SPOPL: variants seen among roughly 807,000 people sequenced by gnomAD.
The protein encoded by SPOPL is speckle-type POZ protein-like.
Under a neutral mutation model 53.8 loss-of-function variants are expected in SPOPL, and 23 were observed. That is an observed-to-expected ratio of 0.43 (90% CI 0.31 to 0.61). SPOPL has a LOEUF of 0.61. Ranked by LOEUF, SPOPL falls within the 20% of genes least tolerant of loss-of-function variation. The probability of loss-of-function intolerance (pLI) is 0.12; values close to 1 mark genes in which losing one functional copy is unlikely to be tolerated. For missense variants in SPOPL, 442 were observed against 466.9 expected, an observed-to-expected ratio of 0.95 and a Z score of 0.49; for synonymous variants, 164 against 149.7, an observed-to-expected ratio of 1.10 and a Z score of -0.70.
In SPOPL at chr2:138,564,798, G is replaced by C. The variant is rs1685624603; in HGVS notation, c.928G>C (p.Asp310His). Reference sequence around the variant, plus strand: ...TGTTGCAGATACCCTTGTCCTTGCAGATTTGCACAGTGCAGAACAGTTGAA... The same window carrying C: ...TGTTGCAGATACCCTTGTCCTTGCACATTTGCACAGTGCAGAACAGTTGAA... Reference protein sequence around the residue: ...ENVADTLVLADLHSAEQLKAQ... With the variant: ...ENVADTLVLAHLHSAEQLKAQ... Residue 310 changes from aspartate to histidine, a missense_variant, in exon 9 of 11, where the codon GAT becomes CAT. Physicochemically the swap from Asp to His is moderately conservative, Grantham distance 81. Coordinates refer to ENST00000280098, the MANE Select transcript of SPOPL (RefSeq NM_001001664.3). The C allele has an allele frequency of 6.2e-7, 1 of 1,614,166 alleles. No homozygotes were observed. The highest frequency in any genetic ancestry group is 1.3e-5 in the African/African-American group (1 of 75,050).
intron 1 of SPOPL, among the ~76,000 whole-genome samples, chr2:138,521,643 A>G (rs879255926): frequency 1.3e-5 from 2 of 152,166 alleles, no homozygotes; most frequent in Admixed American, 6.5e-5. Context: ...TTATAACAGC[A>G]TGTGTTAATA....
chr2:138,544,388 G>A (rs576470403), intron 1 of SPOPL, among the ~76,000 whole-genome samples: 102 of 152,262 alleles, frequency 6.7e-4, no homozygotes, highest in Admixed American at 1.3e-3. Flanking sequence ...CACCCAGTTC[G>A]AGCTTCCAGG....
intron 1 of SPOPL, among the ~76,000 whole-genome samples, chr2:138,505,221 A>C (rs1684188532): frequency 6.6e-6 from 1 of 152,158 alleles, no homozygotes; most frequent in South Asian, 2.1e-4. Context: ...GAAGAAAGTA[A>C]AGGAGATGTA....
chr2:138,514,105 G>A (rs184178739), intron 1 of SPOPL, among the ~76,000 whole-genome samples: 40 of 152,204 alleles, frequency 2.6e-4, no homozygotes, highest in African/African-American at 7.2e-4. Context: ...CCGAATATCT[G>A]AAACAGGTCT....
intron 1 of SPOPL, among the ~76,000 whole-genome samples, chr2:138,539,016 T>G (rs1012539007): frequency 2.0e-5 from 3 of 152,190 alleles, no homozygotes; most frequent in Non-Finnish European, 2.9e-5. Context: ...TTTTTGTCCT[T>G]GCGATAGTTT....
In SPOPL at chr2:138,560,846, A is replaced by G. The variant is rs151051467; in HGVS notation, c.756A>G (p.Lys252=). ...EINDLDPEVF[K]EMMRFIYTGR... Reference sequence around the variant, plus strand: ...ATGATTTAGACCCTGAAGTTTTTAAAGAAATGATGAGATTCATTTACACAG... The same window carrying G: ...ATGATTTAGACCCTGAAGTTTTTAAGGAAATGATGAGATTCATTTACACAG... Residue 252 remains lysine, a synonymous_variant, in exon 8 of 11, where the codon AAA becomes AAG. Transcript: ENST00000280098. The G allele has an allele frequency of 3.1e-6, 5 of 1,609,070 alleles. No homozygotes were observed. In the Admixed American group the frequency reaches 8.4e-5, roughly 27 times the overall value.
chr2:138,511,848 A>G (rs1351751354), intron 1 of SPOPL, among the ~76,000 whole-genome samples: 2 of 152,214 alleles, frequency 1.3e-5, no homozygotes, highest in African/African-American at 2.4e-5. Flanking sequence ...CAGAGCATAG[A>G]GACTAGGAGC....
At chr2:138,528,122 C>G (rs1010340898) in intron 1 of SPOPL, among the ~76,000 whole-genome samples, 1 of 152,184 alleles carries the variant, frequency 6.6e-6, no homozygotes, top group African/African-American at 2.4e-5. Context: ...AAGAGACATA[C>G]CCAGACAGGT....
chr2:138,545,500 C>T (rs1443400074), intron 1 of SPOPL, among the ~76,000 whole-genome samples: 1 of 151,610 alleles, frequency 6.6e-6, no homozygotes, highest in African/African-American at 2.4e-5. Context: ...GTGGCGTGAT[C>T]TCAGCTCACT....
chr2:138,534,521 C>A (rs1684885296), intron 1 of SPOPL, among the ~76,000 whole-genome samples: 1 of 152,082 alleles, frequency 6.6e-6, no homozygotes, highest in African/African-American at 2.4e-5. Context: ...AAAGGGACAA[C>A]TTTGATTACT....
intron 1 of SPOPL, among the ~76,000 whole-genome samples, chr2:138,510,566 A>T (rs1440171544): frequency 6.6e-6 from 1 of 152,176 alleles, no homozygotes; most frequent in Non-Finnish European, 1.5e-5. Flanking sequence ...TTTGCAAATC[A>T]GATTTTGCCT....
intron 1 of SPOPL, among the ~76,000 whole-genome samples, chr2:138,502,414 C>T (rs1325367432): frequency 6.6e-6 from 1 of 152,228 alleles, no homozygotes; most frequent in Non-Finnish European, 1.5e-5. Flanking sequence ...TACCCCCGGG[C>T]CTCGCCCCTT....
chr2:138,544,195 G>T (rs1273332685), intron 1 of SPOPL, among the ~76,000 whole-genome samples: 1 of 152,194 alleles, frequency 6.6e-6, no homozygotes, highest in Non-Finnish European at 1.5e-5. Context: ...CCCACTTGAG[G>T]TGGCAGTCTG....
At chr2:138,535,889 T>C (rs1465110840) in intron 1 of SPOPL, among the ~76,000 whole-genome samples, 2 of 152,170 alleles carry the variant, frequency 1.3e-5, no homozygotes, top group Admixed American at 6.5e-5. Flanking sequence ...CTAATTCTTC[T>C]ATTTGTTCAT....
At chr2:138,554,081 T>G (rs963333687) in intron 5 of SPOPL, among the ~76,000 whole-genome samples, 11 of 151,490 alleles carry the variant, frequency 7.3e-5, no homozygotes, top group African/African-American at 2.7e-4. Flanking sequence ...TTTTTTTTTT[T>G]TTTTTTAGAA....
rs554206733 is a variant in SPOPL, at chr2:138,571,417, C to G, written c.*2337C>G. Reference sequence around the variant, plus strand: ...AGATTTTTTTTTTAGTTTGGTAGCACATTTTGTACCAAAAATGTCAAACAC... The same window carrying G: ...AGATTTTTTTTTTAGTTTGGTAGCAGATTTTGTACCAAAAATGTCAAACAC... On this transcript the variant is annotated 3_prime_UTR_variant, in exon 11 of 11. Transcript: ENST00000280098. 6.6e-6 allele frequency: 1 copy of G among 152,306 alleles called. No individual in the cohort carries two copies. The highest frequency in any genetic ancestry group is 2.4e-5 in the African/African-American group (1 of 41,356). 9.4% of individuals were successfully genotyped at this position (152,306 alleles called of 1,614,324 possible). A position where few individuals can be genotyped will look rare whatever the true frequency, so the allele number is the denominator to read the frequency against.
At chr2:138,558,123 T>TG (rs1256108051) in intron 5 of SPOPL, among the ~76,000 whole-genome samples, 1 of 152,176 alleles carries the variant, frequency 6.6e-6, no homozygotes, top group African/African-American at 2.4e-5. Context: ...ATCACTCCAC[T>TG]GCACTCTAGC....
At chr2:138,507,495 G>A (rs1684239729) in intron 1 of SPOPL, among the ~76,000 whole-genome samples, 3 of 152,160 alleles carry the variant, frequency 2.0e-5, no homozygotes, top group Admixed American at 2.0e-4. Context: ...ACAGAGCAGG[G>A]GCATCAGGGG....
At chr2:138,543,068 C>G (rs1573893790) in intron 1 of SPOPL, among the ~76,000 whole-genome samples, 1 of 152,220 alleles carries the variant, frequency 6.6e-6, no homozygotes, top group South Asian at 2.1e-4. Context: ...TTGGCCCCCA[C>G]TTTCTTCTGG....
Sources: gnomAD v4.1 joint callset for allele counts (sites outside exome capture counted in the v4.1 genomes callset) on GRCh38, gnomAD v4.1.1 for gene constraint, MANE v1.5 for transcripts, NCBI Gene and HGNC (gene_info 2026-07-23, HGNC 2026-07-21) for gene names.